The following CCDC66 variants were observed in gnomAD, a reference collection of about 807,000 sequenced individuals.
CCDC66 encodes coiled-coil domain-containing protein 66.
A neutral mutation model predicts 128.3 loss-of-function variants in CCDC66; 133 were observed. The observed-to-expected ratio is 1.04, with a 90% confidence interval of 0.90 to 1.20. The LOEUF is 1.20. CCDC66 is among the 50% of genes most tolerant of loss of function. The pLI is 0.00. For synonymous variants in CCDC66, 387 were observed against 357.0 expected (o/e 1.08, Z -0.95); for missense variants, 1,126 against 1,075.5 (o/e 1.05, Z -0.66).
At chr3:56,571,388 G>T (rs201318501) in intron 7 of CCDC66, 86 bp downstream of exon 7, 7,944 of 524,248 alleles carry the variant, frequency 0.015, no homozygotes, top group Non-Finnish European at 0.02. Flanking sequence ...AAAAAAAAAA[G>T]TTTTTTTTTT....
intron 17 of CCDC66, chr3:56,621,257 G>A: frequency 4.0e-6 from 1 of 250,934 alleles, no homozygotes; most frequent in Admixed American, 5.1e-5. Flanking sequence ...TGGGGGAGAA[G>A]GGATGACTTC....
At chr3:56,619,622 A>G in intron 16 of CCDC66, 95 bp downstream of exon 16, 1 of 1,487,434 alleles carries the variant, frequency 6.7e-7, no homozygotes, top group Non-Finnish European at 9.0e-7. Context: ...TCCTGCACTT[A>G]GTTCTATAAA....
chr3:56,561,536 A>G (rs1337157676), intron 3 of CCDC66, among the ~76,000 whole-genome samples: 1 of 152,176 alleles, frequency 6.6e-6, no homozygotes, highest in Non-Finnish European at 1.5e-5. Flanking sequence ...ACTGCCTTAA[A>G]GCAAATTGTT....
At chr3:56,601,112 C>T (rs571559099) in intron 10 of CCDC66, among the ~76,000 whole-genome samples, 3 of 151,998 alleles carry the variant, frequency 2.0e-5, no homozygotes, top group Non-Finnish European at 2.9e-5. Context: ...TTAGGTCTTA[C>T]GTTTAAGTCT....
At position 56,564,043 on chromosome 3, in the gene CCDC66, A is replaced by G. The variant is rs774469386; in HGVS notation, c.462A>G (p.Gln154=). The G allele has an allele frequency of 6.2e-7, 1 of 1,614,056 alleles. No individual in the cohort carries two copies. ...AGAGCAGTTTGGTGTGTCTAACACAAGACCAACTACAACAGATTTTGATGA... is the reference window on the plus strand; with the variant it reads ...AGAGCAGTTTGGTGTGTCTAACACAGGACCAACTACAACAGATTTTGATGA... ...NMKSSLVCLT[Q]DQLQQILMTV... Residue 154 remains glutamine (Q), a synonymous_variant, in exon 4 of 18, where the codon CAA becomes CAG. Coordinates refer to ENST00000394672, the MANE Select transcript of CCDC66 (RefSeq NM_001141947.3).
rs372526532 is a variant in CCDC66 at position 56,613,664 on chromosome 3, C to G, written c.1480C>G (p.Gln494Glu). 177 of 1,613,802 alleles carry G rather than the reference C, an allele frequency of 1.1e-4. No homozygotes were observed. Among genetic ancestry groups the G allele is most frequent in the Non-Finnish European group, 1.4e-4 (165 of 1,179,886 alleles). ...GGAAGAGCAAAGAAAGAAGGAAGAA[C>G]AAGAAGAGGAGCTTCGCTTAGCACA... ...LEEEQRKKEE[Q>E]EEELRLAQER... Residue 494 changes from glutamine (Q) to glutamate (E), a missense_variant, in exon 11 of 18, where the codon CAA (glutamine) becomes GAA (glutamate). By Grantham distance (29) the Gln-to-Glu change is conservative. Transcript: ENST00000394672.
In CCDC66 at chr3:56,617,415, C is replaced by T; in HGVS notation, c.2147C>T (p.Ser716Leu). ...NKPPKRYIPA[S>L]EKYPKQLQKQ... ...CCACCTAAAAGGTATATTCCAGCAT[C>T]AGAAAAGTACCCTAAACAGCTTCAA... Residue 716 changes from serine (S) to leucine (L), a missense_variant, in exon 14 of 18, where the codon TCA (serine) becomes TTA (leucine). By Grantham distance (145) the Ser-to-Leu change is moderately radical. Transcript: ENST00000394672. The T allele has an allele frequency of 1.2e-6, 2 of 1,613,820 alleles. No individual in the cohort carries two copies. Among genetic ancestry groups the T allele is most frequent in the Non-Finnish European group, 1.7e-6 (2 of 1,179,946 alleles).
At chr3:56,614,360 T>A (rs1197881001) in intron 11 of CCDC66, among the ~76,000 whole-genome samples, 3 of 152,240 alleles carry the variant, frequency 2.0e-5, no homozygotes, top group African/African-American at 7.2e-5. Flanking sequence ...AAGCAATAAT[T>A]ATTATATCAA....
At chr3:56,611,448 C>T (rs535760878) in intron 10 of CCDC66, among the ~76,000 whole-genome samples, 9 of 150,076 alleles carry the variant, frequency 6.0e-5, no homozygotes, top group Admixed American at 2.7e-4. Flanking sequence ...CAACATCCCC[C>T]GAGTCTGTTT....
intron 10 of CCDC66, among the ~76,000 whole-genome samples, chr3:56,598,507 A>T (rs1203702891): frequency 2.0e-5 from 3 of 151,932 alleles, no homozygotes; most frequent in African/African-American, 7.3e-5. Context: ...CTTAGGGGAA[A>T]GGCTTTCAGC....
intron 17 of CCDC66, 78 bp from the exon 18 acceptor site, chr3:56,621,454 A>G (rs866375156): frequency 1.9e-5 from 19 of 979,600 alleles, no homozygotes; most frequent in Non-Finnish European, 2.7e-5. Context: ...TTCCAAGTGA[A>G]TATAATTCTA....
intron 10 of CCDC66, among the ~76,000 whole-genome samples, chr3:56,596,758 ATTTTTTTT>A (rs35527957): frequency 1.0e-5 from 1 of 96,856 alleles, no homozygotes; most frequent in African/African-American, 3.9e-5. Context: ...TCCATCTTGA[ATTTTTTTT>A]TTTTTTTTTT....
chr3:56,615,243 A>G lies in CCDC66; in HGVS notation c.1682A>G (p.Asp561Gly), dbSNP rs1246486017. The change falls in exon 12 of 18, where the codon GAC (aspartate) becomes GGC (glycine). Residue 561 changes from aspartate to glycine, a missense_variant. Physicochemically the swap from Asp to Gly is moderately conservative, Grantham distance 94. Coordinates refer to ENST00000394672, the MANE Select transcript of CCDC66 (RefSeq NM_001141947.3). ...CGAGAATTGGCGCAAAAGGGACATG[A>G]CACTTCTAGACTGATTAAAAATCTT... ...RIRELAQKGHDTSRLIKNLGV... is the reference protein window; with the variant it reads ...RIRELAQKGHGTSRLIKNLGV... 4.3e-6 allele frequency: 7 copies of G among 1,612,932 alleles called. No individual in the cohort carries two copies. The highest frequency in any genetic ancestry group is 5.9e-6 in the Non-Finnish European group (7 of 1,179,414).
intron 7 of CCDC66, among the ~76,000 whole-genome samples, chr3:56,574,850 T>C (rs552613835): frequency 6.6e-6 from 1 of 151,874 alleles, no homozygotes; most frequent in Non-Finnish European, 1.5e-5. Flanking sequence ...GGTTTACCCA[T>C]ACTGTAGCAT....
intron 10 of CCDC66, among the ~76,000 whole-genome samples, chr3:56,605,554 T>C (rs888187352): frequency 3.3e-5 from 5 of 152,056 alleles, no homozygotes; most frequent in Non-Finnish European, 7.3e-5. Flanking sequence ...TGGAGTTTGC[T>C]GGAGGTCCAT....
intron 6 of CCDC66, among the ~76,000 whole-genome samples, chr3:56,567,953 G>A (rs2066107228): frequency 6.6e-6 from 1 of 152,134 alleles, no homozygotes; most frequent in Non-Finnish European, 1.5e-5. Context: ...GCCTCCCAAA[G>A]TGCTAGGATT....
chr3:56,586,122 G>A (rs2069663331), intron 7 of CCDC66, among the ~76,000 whole-genome samples: 1 of 151,972 alleles, frequency 6.6e-6, no homozygotes, highest in Non-Finnish European at 1.5e-5. Context: ...AATTCTTTAT[G>A]CATTTGTTTT....
At position 56,557,191 on chromosome 3, in the gene CCDC66, C is replaced by A. The variant is rs981494223; in HGVS notation, c.-52C>A. 4.4e-5 allele frequency: 69 copies of A among 1,550,974 alleles called. No individual in the cohort carries two copies. The African/African-American group carries it at 6.4e-4, about 14-fold the overall frequency. The stretch of plus-strand genomic sequence containing the variant: ...GCGCTTGCTGAGCGGCGGCGGCAAC[C>A]GACGTACACAAGGGGCTTGAGCGTT... On this transcript the variant is annotated 5_prime_UTR_variant, in exon 1 of 18. Coordinates refer to ENST00000394672, the MANE Select transcript of CCDC66 (RefSeq NM_001141947.3).
intron 1 of CCDC66, 171 bp from the exon 2 acceptor site, chr3:56,558,675 T>C: frequency 1.6e-6 from 1 of 641,290 alleles, no homozygotes; most frequent in Non-Finnish European, 2.8e-6. Flanking sequence ...TAGTTGTGGG[T>C]TTTATCTTGG....
Sources: gnomAD v4.1 joint callset for allele counts (sites outside exome capture counted in the v4.1 genomes callset) on GRCh38, gnomAD v4.1.1 for gene constraint, MANE v1.5 for transcripts, NCBI Gene and HGNC (gene_info 2026-07-23, HGNC 2026-07-21) for gene names.